The following SND1 variants were observed in gnomAD, a reference collection of about 807,000 sequenced individuals.
The protein encoded by SND1 is staphylococcal nuclease and tudor domain containing 1, also known as staphylococcal nuclease domain-containing protein 1.
SND1 carries 38 observed loss-of-function variants against 121.7 expected under a neutral mutation model. That is an observed-to-expected ratio of 0.31 (90% confidence interval 0.24 to 0.41). The LOEUF (loss-of-function observed/expected upper bound fraction) is 0.41, where lower values mean the gene tolerates loss of function less well. Ranked by LOEUF, SND1 falls within the 10% of genes least tolerant of loss-of-function variation. The pLI is 1.00. For missense variants in SND1, 868 were observed against 1,184.6 expected (o/e 0.73, Z 3.92); for synonymous variants, 401 against 447.4 (o/e 0.90, Z 1.31).
intron 11 of SND1, among the ~76,000 whole-genome samples, chr7:127,811,588 C>G (rs972951175): frequency 5.3e-5 from 8 of 152,088 alleles, no homozygotes; most frequent in African/African-American, 1.7e-4. Context: ...CTCGTCTAGC[C>G]TGGACTCCTA....
intron 16 of SND1, among the ~76,000 whole-genome samples, chr7:128,018,001 T>C (rs930131682): frequency 2.0e-5 from 3 of 152,228 alleles, no homozygotes. Context: ...GGGGAACTGC[T>C]GAAGTAGCAC....
intron 2 of SND1, 73 bp downstream of exon 2, chr7:127,686,835 A>G (rs1795822774): frequency 6.8e-7 from 1 of 1,474,068 alleles, no homozygotes; most frequent in Non-Finnish European, 9.3e-7. Context: ...CGCTGATGCC[A>G]TTTTGATGTA....
chr7:127,956,579 G>T (rs1157904044), intron 15 of SND1, among the ~76,000 whole-genome samples: 2 of 152,178 alleles, frequency 1.3e-5, no homozygotes, highest in Non-Finnish European at 1.5e-5. Flanking sequence ...TCGATGGATG[G>T]CCTAGAGCTT....
intron 1 of SND1, among the ~76,000 whole-genome samples, chr7:127,685,790 G>C (rs1027055547): frequency 6.6e-6 from 1 of 152,162 alleles, no homozygotes; most frequent in Non-Finnish European, 1.5e-5. Context: ...TTTCTCTCTT[G>C]TACTGTCCAC....
chr7:127,997,729 C>A (rs1457003473), intron 16 of SND1: 1 of 534,236 alleles, frequency 1.9e-6, no homozygotes, highest in African/African-American at 1.9e-5. Context: ...GTAATTCGTG[C>A]CTTATCAGAA....
At chr7:127,821,982 T>C (rs1454493045) in intron 11 of SND1, among the ~76,000 whole-genome samples, 1 of 152,222 alleles carries the variant, frequency 6.6e-6, no homozygotes. Context: ...TATGGGGAAA[T>C]CAATATCATT....
chr7:127,811,436 C>T (rs1357418765), intron 11 of SND1, among the ~76,000 whole-genome samples: 1 of 152,178 alleles, frequency 6.6e-6, no homozygotes, highest in Non-Finnish European at 1.5e-5. Context: ...TCTGGCTCTC[C>T]TCCGGTGTTA....
At chr7:128,044,220 C>T (rs1285548880) in intron 16 of SND1, among the ~76,000 whole-genome samples, 1 of 152,198 alleles carries the variant, frequency 6.6e-6, no homozygotes, top group Non-Finnish European at 1.5e-5. Flanking sequence ...ACACTTGGGC[C>T]AATGGCACTT....
chr7:128,014,606 G>A (rs1375325420), intron 16 of SND1, among the ~76,000 whole-genome samples: 2 of 152,068 alleles, frequency 1.3e-5, no homozygotes, highest in African/African-American at 2.4e-5. Context: ...CCCATATTGC[G>A]CAGTTGGTGG....
chr7:127,773,235 C>T (rs1041195414), intron 10 of SND1, among the ~76,000 whole-genome samples: 3 of 152,120 alleles, frequency 2.0e-5, no homozygotes, highest in Non-Finnish European at 4.4e-5. Flanking sequence ...GGGCGGATCA[C>T]GAGGTCAGGA....
At chr7:128,034,312 A>G (rs551972328) in intron 16 of SND1, among the ~76,000 whole-genome samples, 3 of 152,164 alleles carry the variant, frequency 2.0e-5, no homozygotes, top group Non-Finnish European at 2.9e-5. Context: ...AATGAGGGAG[A>G]CATGGAGGTA....
intron 16 of SND1, among the ~76,000 whole-genome samples, chr7:128,034,262 A>G (rs777335776): frequency 2.0e-5 from 3 of 152,226 alleles, no homozygotes; most frequent in Non-Finnish European, 4.4e-5. Flanking sequence ...GATGAAGGGT[A>G]GGAGACGGGC....
intron 10 of SND1, among the ~76,000 whole-genome samples, chr7:127,766,667 C>T (rs1797422375): frequency 7.2e-6 from 1 of 139,672 alleles, no homozygotes; most frequent in Admixed American, 8.0e-5. Context: ...CCCAGCTACT[C>T]AGGAGGCTGA....
At chr7:127,707,740 T>C in intron 9 of SND1, 93 bp downstream of exon 9, 1 of 1,091,644 alleles carries the variant, frequency 9.2e-7, no homozygotes, top group Non-Finnish European at 1.4e-6. Context: ...CTGAAGCTCT[T>C]GAAAATTTCA....
intron 16 of SND1, among the ~76,000 whole-genome samples, chr7:128,046,022 G>A (rs1369027399): frequency 6.6e-6 from 1 of 152,192 alleles, no homozygotes; most frequent in Non-Finnish European, 1.5e-5. Context: ...TGTGAAACCA[G>A]GAAAGGGAAC....
At chr7:128,022,397 G>T (rs1014615477) in intron 16 of SND1, among the ~76,000 whole-genome samples, 3 of 152,160 alleles carry the variant, frequency 2.0e-5, no homozygotes, top group Non-Finnish European at 2.9e-5. Context: ...CACCTAGCTT[G>T]AGAGTAGCCT....
chr7:127,902,423 A>G (rs1199454260), intron 13 of SND1, among the ~76,000 whole-genome samples: 2 of 152,254 alleles, frequency 1.3e-5, no homozygotes, highest in Admixed American at 1.3e-4. Context: ...CTTCAGTCTT[A>G]CGGCTGCTCC....
At chr7:128,081,545 G>GGTTCCTGGCTCGTGGTCC in intron 18 of SND1, 44 bp downstream of exon 18, 2 of 1,608,674 alleles carry the variant, frequency 1.2e-6, no homozygotes, top group South Asian at 2.2e-5. Context: ...GCTTGGTCCA[G>GGTTCCTGGCTCGTGGTCC]CTGGCGCTGC....
intron 9 of SND1, among the ~76,000 whole-genome samples, chr7:127,717,698 G>A (rs1796414823): frequency 1.3e-5 from 2 of 152,188 alleles, no homozygotes; most frequent in Non-Finnish European, 2.9e-5. Context: ...TCAAACCACA[G>A]TCTCTGGTCA....
Sources: allele counts gnomAD v4.1 joint callset (sites outside exome capture counted in the v4.1 genomes callset), GRCh38; gene constraint gnomAD v4.1.1; transcripts MANE v1.5; gene names NCBI Gene and HGNC (gene_info 2026-07-23, HGNC 2026-07-21).